The following PARD3 variants were observed in gnomAD, a reference collection of about 807,000 sequenced individuals.
PARD3 encodes partitioning defective 3 homolog.
In PARD3, 75 loss-of-function variants were observed where a neutral mutation model predicts 155.4. The observed-to-expected ratio is 0.48, with a 90% CI of 0.40 to 0.58. The LOEUF (loss-of-function observed/expected upper bound fraction) is 0.58. Among genes scored for constraint, PARD3 ranks in the 20% least tolerant of loss-of-function variants. The pLI is 0.00. For missense variants in PARD3, 1,642 were observed against 1,721.7 expected, an observed-to-expected ratio of 0.95 and a Z score of 0.82; for synonymous variants, 576 against 610.5, an observed-to-expected ratio of 0.94 and a Z score of 0.83.
intron 20 of PARD3, among the ~76,000 whole-genome samples, chr10:34,297,465 A>C (rs1486343845): frequency 1.3e-5 from 2 of 152,236 alleles, no homozygotes; most frequent in Non-Finnish European, 2.9e-5. Context: ...AACACGTAGC[A>C]CACTGCTGGC....
chr10:34,591,815 G>A (rs2088720636), intron 2 of PARD3, among the ~76,000 whole-genome samples: 1 of 152,144 alleles, frequency 6.6e-6, no homozygotes, highest in Non-Finnish European at 1.5e-5. Context: ...AAGGTTAGGA[G>A]TTTCTGTACT....
chr10:34,449,451 G>A (rs1345855112), intron 5 of PARD3, among the ~76,000 whole-genome samples: 3 of 143,844 alleles, frequency 2.1e-5, no homozygotes, highest in Non-Finnish European at 3.0e-5. Context: ...TTAACTCATT[G>A]GAGGTGGGGG....
intron 2 of PARD3, among the ~76,000 whole-genome samples, chr10:34,692,877 AC>A (rs2133444902): frequency 6.6e-6 from 1 of 152,328 alleles, no homozygotes; most frequent in East Asian, 1.9e-4. Flanking sequence ...CCATCTCAAA[AC>A]AAAGTGGACA....
At chr10:34,488,419 A>C (rs1034667220) in intron 3 of PARD3, among the ~76,000 whole-genome samples, 1 of 152,128 alleles carries the variant, frequency 6.6e-6, no homozygotes, top group African/African-American at 2.4e-5. Context: ...TCCCAGGCAG[A>C]AGGGATCCTC....
chr10:34,741,266 CT>C (rs2095012504), intron 1 of PARD3, among the ~76,000 whole-genome samples: 1 of 143,772 alleles, frequency 7.0e-6, no homozygotes, highest in African/African-American at 2.5e-5. Context: ...CCTTCTGCAG[CT>C]TCAACTTCCT....
chr10:34,273,067 T>TA (rs200839714), intron 21 of PARD3, among the ~76,000 whole-genome samples: 1 of 152,172 alleles, frequency 6.6e-6, no homozygotes, highest in Admixed American at 6.5e-5. Flanking sequence ...GTAGTATCTT[T>TA]AAAAATTAAA....
At chr10:34,737,652 C>G (rs561318445) in intron 1 of PARD3, among the ~76,000 whole-genome samples, 146 of 152,300 alleles carry the variant, frequency 9.6e-4, no homozygotes, top group African/African-American at 3.4e-3. Context: ...TCGGCTCCCC[C>G]ACCACGTGAG....
At chr10:34,137,055 G>A (rs1947937655) in intron 22 of PARD3, among the ~76,000 whole-genome samples, 1 of 152,152 alleles carries the variant, frequency 6.6e-6, no homozygotes, top group Admixed American at 6.5e-5. Flanking sequence ...ACACCTTTAT[G>A]CACTCCTCTA....
intron 2 of PARD3, among the ~76,000 whole-genome samples, chr10:34,556,245 T>C (rs908844268): frequency 6.6e-6 from 1 of 152,202 alleles, no homozygotes; most frequent in African/African-American, 2.4e-5. Context: ...CGTTTTTCTT[T>C]TCTACTAAAG....
chr10:34,228,935 G>A (rs1453574196), intron 22 of PARD3, among the ~76,000 whole-genome samples: 3 of 151,908 alleles, frequency 2.0e-5, no homozygotes, highest in South Asian at 4.2e-4. Flanking sequence ...ACCACACCTC[G>A]TCTGAGATCA....
intron 1 of PARD3, among the ~76,000 whole-genome samples, chr10:34,757,242 T>C (rs1836855485): frequency 6.6e-6 from 1 of 152,200 alleles, no homozygotes; most frequent in Non-Finnish European, 1.5e-5. Context: ...AAATTATAGT[T>C]AATTACTAGT....
chr10:34,130,439 G>A (rs1947547106), intron 23 of PARD3, among the ~76,000 whole-genome samples: 1 of 152,110 alleles, frequency 6.6e-6, no homozygotes, highest in Non-Finnish European at 1.5e-5. Context: ...AGCATTGCCG[G>A]TTAGGTCAAA....
intron 5 of PARD3, among the ~76,000 whole-genome samples, chr10:34,449,261 T>C (rs12260238): frequency 0.075 from 11,431 of 151,936 alleles, 1,327 homozygotes; most frequent in African/African-American, 0.25. Flanking sequence ...AATATATACA[T>C]ATATAAAAAC....
intron 15 of PARD3, chr10:34,345,015 C>T (rs1457260542): frequency 1.0e-6 from 1 of 984,854 alleles, no homozygotes; most frequent in Non-Finnish European, 1.2e-6. Flanking sequence ...ACCATGGGTG[C>T]CAGGATAGAA....
intron 4 of PARD3, among the ~76,000 whole-genome samples, 153 bp downstream of exon 4, chr10:34,469,932 T>C (rs2078244834): frequency 6.6e-6 from 1 of 152,150 alleles, no homozygotes; most frequent in African/African-American, 2.4e-5. Flanking sequence ...GGAGACTATC[T>C]GAACTTTGAT....
chr10:34,507,009 T>G (rs1030585503), intron 3 of PARD3, among the ~76,000 whole-genome samples: 5 of 152,188 alleles, frequency 3.3e-5, no homozygotes, highest in African/African-American at 9.7e-5. Context: ...GCCTCCAGTT[T>G]ATCTTTCAGC....
intron 2 of PARD3, among the ~76,000 whole-genome samples, chr10:34,526,323 C>T (rs2055076573): frequency 6.6e-6 from 1 of 152,108 alleles, no homozygotes. Flanking sequence ...AACACCACTC[C>T]CTTCACTCCC....
At chr10:34,652,151 C>T (rs181649249) in intron 2 of PARD3, among the ~76,000 whole-genome samples, 1 of 152,288 alleles carries the variant, frequency 6.6e-6, no homozygotes, top group Admixed American at 6.5e-5. Flanking sequence ...GTGATTCTCC[C>T]ACCTCAGCCT....
At chr10:34,183,288 G>A (rs1274502325) in intron 22 of PARD3, among the ~76,000 whole-genome samples, 1 of 152,114 alleles carries the variant, frequency 6.6e-6, no homozygotes, top group African/African-American at 2.4e-5. Flanking sequence ...AGTGCAGCGG[G>A]GTGATCACAG....
Sources: allele counts gnomAD v4.1 joint callset (sites outside exome capture counted in the v4.1 genomes callset), GRCh38; gene constraint gnomAD v4.1.1; transcripts MANE v1.5; gene names NCBI Gene and HGNC (gene_info 2026-07-23, HGNC 2026-07-21).